Variants in NRG3 observed in about 807,000 individuals in gnomAD.
NRG3 encodes pro-neuregulin-3, membrane-bound isoform.
Under a neutral mutation model 66.9 loss-of-function variants are expected in NRG3, and 31 were observed. The observed-to-expected ratio is 0.46, with a 90% confidence interval of 0.35 to 0.63. NRG3 has a LOEUF of 0.63. Among genes scored for constraint, NRG3 ranks in the 20% least tolerant of loss-of-function variants. The pLI, the probability that NRG3 is intolerant of heterozygous loss-of-function variation, is 0.00. For synonymous variants in NRG3, 393 were observed against 359.4 expected (o/e 1.09, Z -1.06); for missense variants, 910 against 878.9 (o/e 1.04, Z -0.45).
At chr10:81,987,948 C>G (rs1393421895) in intron 1 of NRG3, among the ~76,000 whole-genome samples, 1 of 152,084 alleles carries the variant, frequency 6.6e-6, no homozygotes, top group South Asian at 2.1e-4. Flanking sequence ...TCATGACCAA[C>G]AATACTGAGC....
intron 2 of NRG3, among the ~76,000 whole-genome samples, chr10:82,609,413 CTCTG>C (rs1335505179): frequency 1.3e-5 from 2 of 152,082 alleles, no homozygotes; most frequent in African/African-American, 2.4e-5. Context: ...GCCTGCTTAC[CTCTG>C]TCTGTCTTTC....
chr10:81,914,733 A>G (rs1423544128), intron 1 of NRG3, among the ~76,000 whole-genome samples: 3 of 149,590 alleles, frequency 2.0e-5, no homozygotes, highest in African/African-American at 7.4e-5. Context: ...TCCAGTCTGG[A>G]CAACAGAGTG....
chr10:82,488,002 T>A (rs542691760), intron 2 of NRG3, among the ~76,000 whole-genome samples: 1 of 152,336 alleles, frequency 6.6e-6, no homozygotes, highest in African/African-American at 2.4e-5. Context: ...ATATTGTATG[T>A]GTGCCAAATG....
chr10:82,735,095 T>C (rs985874042), intron 2 of NRG3, among the ~76,000 whole-genome samples: 4 of 151,958 alleles, frequency 2.6e-5, no homozygotes, highest in Admixed American at 6.6e-5. Flanking sequence ...TGGTTTCCAA[T>C]GTAACAAATC....
intron 1 of NRG3, among the ~76,000 whole-genome samples, chr10:82,252,399 A>T (rs932536412): frequency 6.6e-6 from 1 of 152,186 alleles, no homozygotes; most frequent in Non-Finnish European, 1.5e-5. Context: ...GGATACTATT[A>T]TTAATCCCAT....
chr10:82,278,715 C>A (rs969942513), intron 1 of NRG3, among the ~76,000 whole-genome samples: 1 of 152,098 alleles, frequency 6.6e-6, no homozygotes, highest in South Asian at 2.1e-4. Context: ...GTCCTTTTCT[C>A]TTTTGACAGT....
chr10:82,824,867 C>T (rs189009642), intron 3 of NRG3, among the ~76,000 whole-genome samples: 96 of 152,016 alleles, frequency 6.3e-4, no homozygotes, highest in East Asian at 2.5e-3. Flanking sequence ...CAGGTGTGCA[C>T]GACCATGCCC....
intron 4 of NRG3, among the ~76,000 whole-genome samples, chr10:82,869,132 T>G (rs1174722360): frequency 1.3e-5 from 2 of 152,242 alleles, no homozygotes; most frequent in African/African-American, 4.8e-5. Flanking sequence ...GTAAGTTTAA[T>G]AATGTCAGTT....
chr10:82,480,650 C>G (rs1228300417), intron 2 of NRG3, among the ~76,000 whole-genome samples: 1 of 152,208 alleles, frequency 6.6e-6, no homozygotes, highest in Admixed American at 6.5e-5. Context: ...CCACTCTGCT[C>G]TGATTAGCTC....
At chr10:81,879,712 C>A (rs981236192) in intron 1 of NRG3, among the ~76,000 whole-genome samples, 2 of 152,104 alleles carry the variant, frequency 1.3e-5, no homozygotes, top group African/African-American at 4.8e-5. Flanking sequence ...TTAATCATGT[C>A]TATTTCTATA....
chr10:82,549,925 G>T (rs1353405431), intron 2 of NRG3, among the ~76,000 whole-genome samples: 2 of 152,078 alleles, frequency 1.3e-5, no homozygotes, highest in Non-Finnish European at 2.9e-5. Context: ...TAGCTCAGTG[G>T]GACACACTGA....
chr10:81,923,362 C>T (rs556050123), intron 1 of NRG3, among the ~76,000 whole-genome samples: 3 of 152,286 alleles, frequency 2.0e-5, no homozygotes, highest in Non-Finnish European at 1.5e-5. Flanking sequence ...CCCGCCACCG[C>T]GCCCGGCTAA....
chr10:82,946,634 G>A (rs1849047460), intron 4 of NRG3, among the ~76,000 whole-genome samples: 1 of 152,066 alleles, frequency 6.6e-6, no homozygotes, highest in African/African-American at 2.4e-5. Context: ...GAGAGTGGTT[G>A]ATATGGGTGA....
In NRG3 at chr10:82,287,090, C is replaced by A. The variant is rs571666069; in HGVS notation, c.824-71649C>A. ...GAAGAGGAAGGAGGATAATAGCTGG[C>A]TGATAGAGTTTGATATGTGTCCCCA... On this transcript the variant is annotated intron_variant, in intron 1 of 8. Coordinates refer to ENST00000372141, the MANE Select transcript of NRG3 (RefSeq NM_001010848.4). Among the ~76,000 whole-genome samples, 10 of 152,190 alleles carry A rather than the reference C, an allele frequency of 6.6e-5. No homozygotes were observed. In the South Asian group the frequency reaches 2.1e-3, roughly 32 times the overall value.
intron 4 of NRG3, among the ~76,000 whole-genome samples, chr10:82,922,247 A>G (rs1409734556): frequency 6.6e-6 from 1 of 152,068 alleles, no homozygotes; most frequent in Non-Finnish European, 1.5e-5. Context: ...TGTCTTTCTG[A>G]ACTATTTTAC....
chr10:82,770,863 T>G lies in NRG3; in HGVS notation c.1027+32213T>G, dbSNP rs187754027. Among the ~76,000 whole-genome samples, 29 of 152,042 alleles carry G rather than the reference T, an allele frequency of 1.9e-4. No homozygotes were observed. The East Asian group carries it at 2.5e-3, about 13-fold the overall frequency. On this transcript the variant is annotated intron_variant, in intron 3 of 8. Coordinates refer to ENST00000372141, the MANE Select transcript of NRG3 (RefSeq NM_001010848.4). ...AATACTCAGGAGCTCTAGGGAAAAATGGAATTCGGGTCTCCCCTGGGGACA... is the reference window on the plus strand; with the variant it reads ...AATACTCAGGAGCTCTAGGGAAAAAGGGAATTCGGGTCTCCCCTGGGGACA...
chr10:82,336,543 T>C (rs1208068188), intron 1 of NRG3, among the ~76,000 whole-genome samples: 1 of 151,656 alleles, frequency 6.6e-6, no homozygotes, highest in African/African-American at 2.4e-5. Flanking sequence ...TTTTTTTTTT[T>C]TTACAGTCTT....
At chr10:82,421,438 A>G (rs1327350676) in intron 2 of NRG3, among the ~76,000 whole-genome samples, 2 of 152,044 alleles carry the variant, frequency 1.3e-5, no homozygotes, top group East Asian at 3.9e-4. Flanking sequence ...GGCAACAATG[A>G]TGTACTCTTA....
chr10:82,062,770 C>T (rs1445378871), intron 1 of NRG3, among the ~76,000 whole-genome samples: 4 of 151,830 alleles, frequency 2.6e-5, no homozygotes, highest in African/African-American at 9.7e-5. Context: ...GGAAGGGAAA[C>T]CAAAAATGAA....
Sources: gnomAD v4.1 joint callset for allele counts (sites outside exome capture counted in the v4.1 genomes callset) on GRCh38, gnomAD v4.1.1 for gene constraint, MANE v1.5 for transcripts, NCBI Gene and HGNC (gene_info 2026-07-23, HGNC 2026-07-21) for gene names.